Variants in FRMD6 observed in about 807,000 individuals in gnomAD.
FRMD6 encodes the protein FERM domain-containing protein 6.
Under a neutral mutation model 73.2 loss-of-function variants are expected in FRMD6, and 37 were observed. The ratio of observed to expected loss-of-function variants is 0.51; its 90% CI spans 0.39 to 0.66. The LOEUF (loss-of-function observed/expected upper bound fraction) is 0.66. Ranked by LOEUF, FRMD6 falls within the 30% of genes least tolerant of loss-of-function variation. The pLI, the probability that FRMD6 is intolerant of heterozygous loss-of-function variation, is 0.00. For missense variants in FRMD6, 714 were observed against 780.5 expected (o/e 0.91, Z 1.02); for synonymous variants, 273 against 282.2 (o/e 0.97, Z 0.33).
At chr14:51,698,941 C>T (rs1896119453) in intron 3 of FRMD6, among the ~76,000 whole-genome samples, 1 of 151,994 alleles carries the variant, frequency 6.6e-6, no homozygotes, top group Non-Finnish European at 1.5e-5. Context: ...TATATCTTTG[C>T]TCATTTTGTC....
intron 1 of FRMD6, among the ~76,000 whole-genome samples, chr14:51,508,460 T>G (rs939493488): frequency 6.6e-6 from 1 of 152,116 alleles, no homozygotes; most frequent in Non-Finnish European, 1.5e-5. Context: ...TTCCTTCCTT[T>G]CCCACAAGTC....
At chr14:51,706,331 T>C (rs564441962) in intron 6 of FRMD6, among the ~76,000 whole-genome samples, 103 of 152,246 alleles carry the variant, frequency 6.8e-4, no homozygotes, top group African/African-American at 2.3e-3. Context: ...TGCAGAAACT[T>C]GTCCCTGCTT....
chr14:51,556,800 C>G (rs1464012113), intron 1 of FRMD6, among the ~76,000 whole-genome samples: 1 of 151,848 alleles, frequency 6.6e-6, no homozygotes, highest in Non-Finnish European at 1.5e-5. Context: ...CTGCCCCTGT[C>G]TCCTTCTCTA....
chr14:51,657,232 T>C (rs921049770), intron 1 of FRMD6, among the ~76,000 whole-genome samples: 1 of 152,176 alleles, frequency 6.6e-6, no homozygotes, highest in Non-Finnish European at 1.5e-5. Context: ...TTTTGGTCCC[T>C]GTAGCTTTAT....
At position 51,726,047 on chromosome 14, in the gene FRMD6, T is replaced by C. The variant is rs60446555; in HGVS notation, c.1584+177T>C. 6.9e-3 allele frequency among the ~76,000 whole-genome samples: 1,049 copies of C among 152,374 alleles called. 16 individuals are homozygous for C. The highest frequency in any genetic ancestry group is 0.024 in the African/African-American group (1,004 of 41,584). ...TTTCCATCTTATTTGCTAGTTCTGCTTATCTTTGAGTTGATTTTTACTTAG... is the reference window on the plus strand; with the variant it reads ...TTTCCATCTTATTTGCTAGTTCTGCCTATCTTTGAGTTGATTTTTACTTAG... On this transcript the variant is annotated intron_variant, in intron 13 of 13. Coordinates refer to ENST00000344768, the MANE Select transcript of FRMD6 (RefSeq NM_001267046.2).
At chr14:51,401,010 G>A in the FRMD6 span, among the ~76,000 whole-genome samples, 1 of 151,890 alleles carries the variant, frequency 6.6e-6, no homozygotes, top group African/African-American at 2.4e-5. Context: ...GGAACTACTG[G>A]GTAAAATTAT....
chr14:51,500,113 C>A (rs957397653), intron 1 of FRMD6, among the ~76,000 whole-genome samples: 1 of 152,150 alleles, frequency 6.6e-6, no homozygotes, highest in Non-Finnish European at 1.5e-5. Context: ...ACAATTAAGT[C>A]TTTTAAAATC....
the FRMD6 span, among the ~76,000 whole-genome samples, chr14:51,427,571 A>G: frequency 6.6e-6 from 1 of 152,248 alleles, no homozygotes; most frequent in Admixed American, 6.5e-5. Context: ...ATTGAGACTT[A>G]GAGAAGAAAA....
intron 1 of FRMD6, among the ~76,000 whole-genome samples, chr14:51,683,123 C>T (rs1027818117): frequency 8.5e-5 from 13 of 152,316 alleles, no homozygotes; most frequent in Non-Finnish European, 1.8e-4. Flanking sequence ...ACCAACAATA[C>T]GCTTAACTTC....
At chr14:51,699,760 T>C (rs965114728) in intron 3 of FRMD6, among the ~76,000 whole-genome samples, 2 of 152,016 alleles carry the variant, frequency 1.3e-5, no homozygotes, top group East Asian at 1.9e-4. Flanking sequence ...ATATGTACTA[T>C]TATGGTGAAC....
intron 2 of FRMD6, among the ~76,000 whole-genome samples, chr14:51,609,076 G>C (rs1400985280): frequency 6.6e-6 from 1 of 152,000 alleles, no homozygotes; most frequent in Non-Finnish European, 1.5e-5. Flanking sequence ...ATCCTTTCTT[G>C]TTCTCTGATT....
chr14:51,418,175 C>T, the FRMD6 span, among the ~76,000 whole-genome samples: 1 of 152,208 alleles, frequency 6.6e-6, no homozygotes, highest in Non-Finnish European at 1.5e-5. Flanking sequence ...AAATCATTCT[C>T]CATCCAGCTT....
chr14:51,480,276 G>A, the FRMD6 span, among the ~76,000 whole-genome samples: 22 of 152,184 alleles, frequency 1.4e-4, no homozygotes, highest in Non-Finnish European at 2.8e-4. Flanking sequence ...CCTAACACAG[G>A]GTATACGTAC....
intron 2 of FRMD6, among the ~76,000 whole-genome samples, chr14:51,582,515 A>G (rs1436228819): frequency 6.6e-6 from 1 of 152,168 alleles, no homozygotes; most frequent in East Asian, 1.9e-4. Context: ...ATGCAGAATC[A>G]TTAGGAAGCT....
chr14:51,597,309 C>T (rs1317610263), intron 2 of FRMD6, among the ~76,000 whole-genome samples: 2 of 152,180 alleles, frequency 1.3e-5, no homozygotes, highest in Admixed American at 6.5e-5. Flanking sequence ...GGAAGTACTT[C>T]GCTATTTCAG....
At chr14:51,725,143 T>A (rs1333022089) in intron 12 of FRMD6, among the ~76,000 whole-genome samples, 1 of 152,216 alleles carries the variant, frequency 6.6e-6, no homozygotes, top group Non-Finnish European at 1.5e-5. Context: ...ATAGTCCCTG[T>A]ACCTCACCCT....
At chr14:51,619,651 A>C (rs1890851143) in intron 2 of FRMD6, among the ~76,000 whole-genome samples, 1 of 152,178 alleles carries the variant, frequency 6.6e-6, no homozygotes, top group South Asian at 2.1e-4. Context: ...GCTAGTGGAC[A>C]GTGTATTACT....
intron 1 of FRMD6, among the ~76,000 whole-genome samples, chr14:51,536,399 C>T (rs1170783730): frequency 6.6e-6 from 1 of 151,654 alleles, no homozygotes; most frequent in Non-Finnish European, 1.5e-5. Context: ...GGCCTCTTGC[C>T]CATATTTTTA....
chr14:51,511,684 C>T (rs1884320069), intron 1 of FRMD6, among the ~76,000 whole-genome samples: 1 of 151,980 alleles, frequency 6.6e-6, no homozygotes, highest in Admixed American at 6.6e-5. Flanking sequence ...ATAATGAGAA[C>T]ATATGGACAT....
Sources: allele counts gnomAD v4.1 joint callset (sites outside exome capture counted in the v4.1 genomes callset), GRCh38; gene constraint gnomAD v4.1.1; transcripts MANE v1.5; gene names NCBI Gene and HGNC (gene_info 2026-07-23, HGNC 2026-07-21).